The following IL2RB variants were observed in gnomAD, a reference collection of about 807,000 sequenced individuals.
IL2RB encodes interleukin 2 receptor subunit beta.
A neutral mutation model predicts 44.2 loss-of-function variants in IL2RB; 17 were observed. The ratio of observed to expected loss-of-function variants is 0.38; its 90% CI spans 0.26 to 0.58. IL2RB has a LOEUF of 0.58. IL2RB is among the 20% of genes least tolerant of loss of function. IL2RB has a pLI of 0.63. For synonymous variants in IL2RB, 286 were observed against 297.9 expected (o/e 0.96, Z 0.41); for missense variants, 624 against 685.5 (o/e 0.91, Z 1.00).
chr22:37,170,091 TGGA>T (rs1923229331), intron 1 of IL2RB, among the ~76,000 whole-genome samples: 1 of 77,702 alleles, frequency 1.3e-5, no homozygotes, highest in Non-Finnish European at 2.2e-5. Flanking sequence ...GAAGGAAGAA[TGGA>T]TGGATGGATG....
chr22:37,158,063 C>T (rs1922739647), intron 1 of IL2RB, among the ~76,000 whole-genome samples: 1 of 152,190 alleles, frequency 6.6e-6, no homozygotes, highest in South Asian at 2.1e-4. Context: ...CATCTACCAA[C>T]ATCTCTGACA....
chr22:37,142,893 C>T (rs553211181), intron 3 of IL2RB: 21 of 366,492 alleles, frequency 5.7e-5, no homozygotes, highest in South Asian at 3.5e-4. Flanking sequence ...AGCCAGGGCC[C>T]GAACCTGCCT....
At position 37,144,102 on chromosome 22, in the gene IL2RB, G is replaced by A. The variant is rs1364479542; in HGVS notation, c.71C>T (p.Ala24Val). 6.4e-7 allele frequency: 1 copy of A among 1,552,388 alleles called. No homozygotes were observed. The highest frequency in any genetic ancestry group is 8.7e-7 in the Non-Finnish European group (1 of 1,147,238). ...ILLLPLATSWASAAVNGTSQF... is the reference protein window; with the variant it reads ...ILLLPLATSWVSAAVNGTSQF... ...GTCCTCACCATTCACCGCTGCAGAT[G>A]CCCAAGAGGTAGCCAGGGGCAGGAG... The change falls in exon 2 of 10, where the codon GCA becomes GTA. Residue 24 changes from alanine (A) to valine (V), a missense_variant. Physicochemically the swap from Ala to Val is moderately conservative, Grantham distance 64 (BLOSUM62 0). Transcript: ENST00000216223.
chr22:37,162,487 C>T (rs1922916827), intron 1 of IL2RB, among the ~76,000 whole-genome samples: 1 of 152,158 alleles, frequency 6.6e-6, no homozygotes, highest in African/African-American at 2.4e-5. Flanking sequence ...GGCTGGCTGA[C>T]CTTGAAGCTG....
upstream of IL2RB, among the ~76,000 whole-genome samples, chr22:37,154,869 C>G (rs1922624212): frequency 6.6e-6 from 1 of 152,038 alleles, no homozygotes; most frequent in Admixed American, 6.5e-5. Context: ...CCACCACGGC[C>G]GGCCATCCCT....
chr22:37,170,958 C>T (rs1266952534), intron 1 of IL2RB, among the ~76,000 whole-genome samples: 1 of 152,196 alleles, frequency 6.6e-6, no homozygotes, highest in Non-Finnish European at 1.5e-5. Context: ...ATTTTACTAC[C>T]TCCCAAATTC....
intron 1 of IL2RB, among the ~76,000 whole-genome samples, chr22:37,145,253 T>C (rs1601604168): frequency 6.6e-6 from 1 of 152,280 alleles, no homozygotes. Flanking sequence ...TCCACACTCG[T>C]ACTCCCCTAC....
chr22:37,136,257 T>TGGCTCCAGG lies in IL2RB; in HGVS notation c.665_673dup (p.Pro222_Ser224dup). 1 of 1,612,170 alleles carries TGGCTCCAGG rather than the reference T, an allele frequency of 6.2e-7. No homozygotes were observed. Among genetic ancestry groups the TGGCTCCAGG allele is most frequent in the East Asian group, 2.2e-5 (1 of 44,850 alleles). On this transcript the variant is annotated inframe_insertion, in exon 7 of 10. Coordinates refer to ENST00000216223, the MANE Select transcript of IL2RB (RefSeq NM_000878.5). ...AGGCTTTGTCCTGAAGGCCAGGGGC[T>TGGCTCCAGG]GGCTCCAGGGGCTCCAGGTCGTGAA... is the stretch of plus-strand genomic sequence containing the variant.
At chr22:37,155,918 C>G (rs1328495525) in intron 1 of IL2RB, among the ~76,000 whole-genome samples, 1 of 152,246 alleles carries the variant, frequency 6.6e-6, no homozygotes, top group African/African-American at 2.4e-5. Context: ...CCTCCCACCA[C>G]TGGACCCAGA....
upstream of IL2RB, among the ~76,000 whole-genome samples, chr22:37,152,960 A>G (rs962749785): frequency 5.2e-4 from 63 of 120,016 alleles, no homozygotes; most frequent in African/African-American, 2.1e-3. Context: ...TTTGAGACAT[A>G]GTCTAGCTCT....
At chr22:37,149,529 G>A (rs1043550077) in intron 1 of IL2RB, among the ~76,000 whole-genome samples, 2 of 152,168 alleles carry the variant, frequency 1.3e-5, no homozygotes, top group Non-Finnish European at 2.9e-5. Context: ...CGGGTTGGGG[G>A]CCCAGCACAC....
At chr22:37,147,668 C>T (rs1922287998) in intron 1 of IL2RB, among the ~76,000 whole-genome samples, 1 of 152,222 alleles carries the variant, frequency 6.6e-6, no homozygotes, top group Non-Finnish European at 1.5e-5. Context: ...GACACTGGTC[C>T]CAGAGGTAAG....
intron 9 of IL2RB, among the ~76,000 whole-genome samples, chr22:37,131,956 G>A (rs1275954702): frequency 1.3e-5 from 2 of 152,014 alleles, no homozygotes; most frequent in South Asian, 2.1e-4. Flanking sequence ...GGCTGGTCTC[G>A]AACTCCTGAC....
rs765538788 is a variant in IL2RB at position 37,137,570 on chromosome 22, C to T, written c.537+17G>A. On this transcript the variant is annotated intron_variant, in intron 6 of 9. Coordinates refer to ENST00000216223, the MANE Select transcript of IL2RB (RefSeq NM_000878.5). Reference sequence around the variant, plus strand: ...AAGGAGGAACCAAGGCAGGTACGGACTGGGCCACATTCTCACCTCCCAGGT... The same window carrying T: ...AAGGAGGAACCAAGGCAGGTACGGATTGGGCCACATTCTCACCTCCCAGGT... 6.2e-5 allele frequency: 100 copies of T among 1,613,678 alleles called. No individual in the cohort carries two copies. Among genetic ancestry groups the T allele is most frequent in the Admixed American group, 2.2e-4 (13 of 59,986 alleles).
At chr22:37,162,044 CAGTAG>C in intron 1 of IL2RB, 1 of 152,344 alleles carries the variant, frequency 6.6e-6, no homozygotes, top group Admixed American at 6.5e-5. Context: ...TGACAGTAGC[CAGTAG>C]AGTTTTTGCA....
chr22:37,137,513 T>C, intron 6 of IL2RB, 74 bp downstream of exon 6: 5 of 1,522,678 alleles, frequency 3.3e-6, no homozygotes, highest in Non-Finnish European at 4.5e-6. Flanking sequence ...CTCGACACAA[T>C]GAAAAAGGGA....
intron 1 of IL2RB, among the ~76,000 whole-genome samples, chr22:37,163,438 G>T (rs1445734346): frequency 6.6e-6 from 1 of 152,170 alleles, no homozygotes; most frequent in Non-Finnish European, 1.5e-5. Flanking sequence ...ACCCCAAAGA[G>T]AAATGGGGGG....
chr22:37,134,235 T>C (rs1921576502), intron 8 of IL2RB, among the ~76,000 whole-genome samples: 1 of 152,238 alleles, frequency 6.6e-6, no homozygotes, highest in Non-Finnish European at 1.5e-5. Flanking sequence ...TTAGGTATTA[T>C]AAGTAATCTA....
chr22:37,161,457 G>A (rs1247642618), intron 1 of IL2RB, among the ~76,000 whole-genome samples: 1 of 152,154 alleles, frequency 6.6e-6, no homozygotes, highest in Admixed American at 6.5e-5. Context: ...TGCTTTTCCA[G>A]CCTCCCTTGC....
Sources: allele counts gnomAD v4.1 joint callset (sites outside exome capture counted in the v4.1 genomes callset), GRCh38; gene constraint gnomAD v4.1.1; transcripts MANE v1.5; gene names NCBI Gene and HGNC (gene_info 2026-07-23, HGNC 2026-07-21).